The following EIF2AK1 variants were observed in gnomAD, a reference collection of about 807,000 sequenced individuals.
EIF2AK1 encodes eukaryotic translation initiation factor 2-alpha kinase 1.
In EIF2AK1, 54 loss-of-function variants were observed where a neutral mutation model predicts 77.9. The ratio of observed to expected loss-of-function variants is 0.69; its 90% CI spans 0.56 to 0.87. EIF2AK1 has a LOEUF of 0.87. Among genes scored for constraint, EIF2AK1 ranks in the 40% least tolerant of loss-of-function variants. The pLI is 0.00. For synonymous variants in EIF2AK1, 314 were observed against 290.5 expected, an observed-to-expected ratio of 1.08 and a Z score of -0.82; for missense variants, 810 against 768.6, an observed-to-expected ratio of 1.05 and a Z score of -0.64.
At chr7:6,053,174 A>G (rs909377153) in intron 2 of EIF2AK1, among the ~76,000 whole-genome samples, 2 of 152,120 alleles carry the variant, frequency 1.3e-5, no homozygotes, top group African/African-American at 4.8e-5. Flanking sequence ...ACAGCATTAA[A>G]CAACATATTT....
rs770807373 is a variant in EIF2AK1, at chr7:6,035,926, C to T, written c.1332+1498G>A. 7.1e-6 allele frequency: 11 copies of T among 1,547,134 alleles called. No individual in the cohort carries two copies. Among genetic ancestry groups the T allele is most frequent in the Non-Finnish European group, 9.6e-6 (11 of 1,144,746 alleles). On this transcript the variant is annotated intron_variant, in intron 11 of 14. Transcript: ENST00000199389. This position sits in a 1 kb window ranked among gnomAD's most constrained non-coding sequence, Gnocchi z 5.5. Reference sequence around the variant, plus strand: ...GTCAGCTGCATCCGTCTGCTACTCACTCACGGAGCCAAAGTCAACGCCCAG... The same window carrying T: ...GTCAGCTGCATCCGTCTGCTACTCATTCACGGAGCCAAAGTCAACGCCCAG...
intron 2 of EIF2AK1, among the ~76,000 whole-genome samples, chr7:6,051,273 CTTTT>C (rs34563208): frequency 2.9e-5 from 4 of 137,478 alleles, no homozygotes; most frequent in Non-Finnish European, 1.6e-5. Flanking sequence ...TTTTTTCTTT[CTTTT>C]TTTTTTTTTT....
rs774251487 is a variant in EIF2AK1, at chr7:6,024,624, G to T, written c.*49C>A. Reference sequence around the variant, plus strand: ...ATTGTACCAACTATACCCTAATAAAGATTAAAAATTTACATTCCAGTTAAC... The same window carrying T: ...ATTGTACCAACTATACCCTAATAAATATTAAAAATTTACATTCCAGTTAAC... On this transcript the variant is annotated 3_prime_UTR_variant, in exon 15 of 15. Transcript: ENST00000199389. 10 of 1,611,846 alleles carry T rather than the reference G, an allele frequency of 6.2e-6. No homozygotes were observed. The highest frequency in any genetic ancestry group is 8.5e-6 in the Non-Finnish European group (10 of 1,179,212).
intron 8 of EIF2AK1, 56 bp from the exon 9 acceptor site, chr7:6,041,275 A>G: frequency 6.6e-7 from 1 of 1,520,560 alleles, no homozygotes; most frequent in South Asian, 1.3e-5. Flanking sequence ...ACAGTGGCTC[A>G]TGCCTGTAAT....
chr7:6,047,351 C>G (rs2128890649), intron 4 of EIF2AK1: 1 of 529,826 alleles, frequency 1.9e-6, no homozygotes, highest in South Asian at 1.8e-5. Context: ...TAACAGCCAG[C>G]AGTTGGTTAG....
chr7:6,023,109 A>C lies in EIF2AK1; in HGVS notation c.*1564T>G. The C allele has an allele frequency of 1.6e-6, 1 of 625,932 alleles. No homozygotes were observed. Among genetic ancestry groups the C allele is most frequent in the Non-Finnish European group, 2.6e-6 (1 of 383,700 alleles). The allele number at this position is 625,932 out of a possible 1,614,324, so 38.8% of individuals were successfully genotyped here. On this transcript the variant is annotated 3_prime_UTR_variant, in exon 15 of 15. Transcript: ENST00000199389. ...GGAATGACTCTTTGGTTACTTTTTT[A>C]ACATAGTTTGCACTTAAACCCTTTT...
rs1787664645 is a variant in EIF2AK1, at chr7:6,024,052, G to GGA, written c.*619_*620dup. ...GGCAGGAAAGAGATCTGAGCTGCCT[G>GGA]GAGATCATCTGGGGTGCGGAGTACA... On this transcript the variant is annotated 3_prime_UTR_variant, in exon 15 of 15. Transcript: ENST00000199389. The GGA allele has an allele frequency of 7.6e-7, 1 of 1,310,330 alleles. No homozygotes were observed. The highest frequency in any genetic ancestry group is 1.2e-5 in the South Asian group (1 of 81,218). The allele number at this position is 1,310,330 out of a possible 1,614,324, so 81.2% of individuals were successfully genotyped here. A position where few individuals can be genotyped will look rare whatever the true frequency, so the allele number is the denominator to read the frequency against.
chr7:6,029,182 C>T (rs1023431807), intron 11 of EIF2AK1, 150 bp from the exon 12 acceptor site: 5 of 653,072 alleles, frequency 7.7e-6, no homozygotes, highest in Non-Finnish European at 1.3e-5. Flanking sequence ...GCCTACACAT[C>T]AGAATCATCC....
intron 8 of EIF2AK1, among the ~76,000 whole-genome samples, chr7:6,042,394 T>C (rs1450848646): frequency 6.7e-6 from 1 of 149,042 alleles, no homozygotes; most frequent in African/African-American, 2.5e-5. Context: ...GAGGTTGCAG[T>C]GAGCTGAGAT....
chr7:6,049,534 C>G (rs1461217466), intron 3 of EIF2AK1, among the ~76,000 whole-genome samples: 1 of 152,050 alleles, frequency 6.6e-6, no homozygotes, highest in Non-Finnish European at 1.5e-5. Flanking sequence ...CAGTGCGAGA[C>G]TCTGTCTCAA....
At chr7:6,055,284 G>C (rs576765926) in intron 1 of EIF2AK1, among the ~76,000 whole-genome samples, 1 of 145,344 alleles carries the variant, frequency 6.9e-6, no homozygotes, top group Non-Finnish European at 1.5e-5. Context: ...CAGAAGTTGC[G>C]GTGAGCCGAG....
In EIF2AK1 at chr7:6,059,135, C is replaced by T; in HGVS notation, c.-52G>A. The stretch of plus-strand genomic sequence containing the variant: ...AGCCCGCCGGCCAGCCCAGCACTGC[C>T]ACACTCCGATGCTGCAGCTAGCGCC... On this transcript the variant is annotated 5_prime_UTR_variant, in exon 1 of 15. Transcript: ENST00000199389. The T allele has an allele frequency of 1.7e-6, 2 of 1,207,392 alleles. No homozygotes were observed. Among genetic ancestry groups the T allele is most frequent in the Non-Finnish European group, 2.2e-6 (2 of 928,396 alleles). The allele number at this position is 1,207,392 out of a possible 1,614,324, so 74.8% of individuals were successfully genotyped here.
chr7:6,057,008 C>G (rs913276704), intron 1 of EIF2AK1, among the ~76,000 whole-genome samples: 1 of 151,706 alleles, frequency 6.6e-6, no homozygotes, highest in Non-Finnish European at 1.5e-5. Context: ...AAATCATAGG[C>G]TTGGCTGGGC....
chr7:6,056,659 C>G (rs1364901271), intron 1 of EIF2AK1, among the ~76,000 whole-genome samples: 1 of 127,458 alleles, frequency 7.8e-6, no homozygotes, highest in Non-Finnish European at 1.6e-5. Flanking sequence ...ACATTCTGGG[C>G]CTCTTTGGAA....
At chr7:6,058,657 C>T (rs963942169) in intron 1 of EIF2AK1, among the ~76,000 whole-genome samples, 1 of 152,246 alleles carries the variant, frequency 6.6e-6, no homozygotes, top group Non-Finnish European at 1.5e-5. Context: ...AAACCCAGGG[C>T]ATGGGGGCAA....
intron 11 of EIF2AK1, among the ~76,000 whole-genome samples, chr7:6,029,752 G>C (rs1357864799): frequency 2.0e-5 from 3 of 152,086 alleles, no homozygotes; most frequent in African/African-American, 7.2e-5. Flanking sequence ...GGAGGCTGAG[G>C]CGGGCAAATC....
chr7:6,052,563 A>G (rs1222772351), intron 2 of EIF2AK1, among the ~76,000 whole-genome samples: 10 of 146,576 alleles, frequency 6.8e-5, no homozygotes, highest in Non-Finnish European at 1.0e-4. Context: ...AAAAGTATCT[A>G]TAAGTTTGAG....
At position 6,027,677 on chromosome 7, in the gene EIF2AK1, G is replaced by GA. The variant is rs990214966; in HGVS notation, c.1531-717dup. ...CCTTGGTGTTTATTTACCAAAGCTTGAAAAAAACCAATGAGAAGAAAGGCT... is the reference window on the plus strand; with the variant it reads ...CCTTGGTGTTTATTTACCAAAGCTTGAAAAAAAACCAATGAGAAGAAAGGCT... On this transcript the variant is annotated intron_variant, in intron 13 of 14. Transcript: ENST00000199389. The surrounding 1 kb of genome is among the most constrained non-coding windows in gnomAD (Gnocchi z 4.5). 3.3e-5 allele frequency among the ~76,000 whole-genome samples: 5 copies of GA among 152,014 alleles called. No individual in the cohort carries two copies. The highest frequency in any genetic ancestry group is 1.2e-4 in the African/African-American group (5 of 41,382).
At position 6,023,216 on chromosome 7, in the gene EIF2AK1, GT is replaced by G; in HGVS notation, c.*1456del. The G allele has an allele frequency of 6.9e-7, 1 of 1,438,948 alleles. No individual in the cohort carries two copies. Among genetic ancestry groups the G allele is most frequent in the Non-Finnish European group, 9.3e-7 (1 of 1,077,908 alleles). The allele number at this position is 1,438,948 out of a possible 1,614,324, so 89.1% of individuals were successfully genotyped here. On this transcript the variant is annotated 3_prime_UTR_variant, in exon 15 of 15. Coordinates refer to ENST00000199389, the MANE Select transcript of EIF2AK1 (RefSeq NM_014413.4). ...CTTTCCCATGTCATCAGTCTGTGGT[GT>G]TTGGTGACTGTCCCCTTCCCCACTG...
Sources: gnomAD v4.1 joint callset for allele counts (sites outside exome capture counted in the v4.1 genomes callset) on GRCh38, gnomAD v4.1.1 for gene constraint, Gnocchi (gnomAD v3.1) non-coding constraint, MANE v1.5 for transcripts, NCBI Gene and HGNC (gene_info 2026-07-23, HGNC 2026-07-21) for gene names.